The following ARPC5L variants were observed in gnomAD, a reference collection of about 807,000 sequenced individuals.
ARPC5L encodes actin-related protein 2/3 complex subunit 5-like protein.
In ARPC5L, 4 loss-of-function variants were observed where a neutral mutation model predicts 16.9. That is an observed-to-expected ratio of 0.24 (90% CI 0.12 to 0.54). The LOEUF (loss-of-function observed/expected upper bound fraction) is 0.54, where lower values mean the gene tolerates loss of function less well. Ranked by LOEUF, ARPC5L falls within the 20% of genes least tolerant of loss-of-function variation. The pLI, the probability that ARPC5L is intolerant of heterozygous loss-of-function variation, is 0.95. For missense variants in ARPC5L, 151 were observed against 201.9 expected (o/e 0.75, Z 1.53); for synonymous variants, 78 against 82.6 (o/e 0.94, Z 0.30).
rs1683134463 is a variant in ARPC5L at position 124,869,084 on chromosome 9, G to GGCTCC, written c.-204_-200dup. The GGCTCC allele has an allele frequency of 4.3e-6, 2 of 469,380 alleles. No individual in the cohort carries two copies. The highest frequency in any genetic ancestry group is 2.1e-5 in the African/African-American group (1 of 48,780). 29.1% of individuals were successfully genotyped at this position (469,380 alleles called of 1,614,324 possible). A position where few individuals can be genotyped will look rare whatever the true frequency, so the allele number is the denominator to read the frequency against. On this transcript the variant is annotated 5_prime_UTR_variant, in exon 3 of 6. Coordinates refer to ENST00000353214, the MANE Select transcript of ARPC5L (RefSeq NM_030978.3). ...ATCCCATACCGCACTCCAGGTGCCA[G>GGCTCC]GCTCCGCCCCGCCCCTGACGGCGCT...
chr9:124,876,122 G>A (rs1300420079), intron 5 of ARPC5L, among the ~76,000 whole-genome samples: 2 of 152,230 alleles, frequency 1.3e-5, no homozygotes, highest in Non-Finnish European at 1.5e-5. Flanking sequence ...GGAGGCTGAG[G>A]CAGGAGGATT....
At chr9:124,864,188 T>A (rs1485804780) in intron 2 of ARPC5L, 81 bp downstream of exon 2, 3 of 146,104 alleles carry the variant, frequency 2.1e-5, no homozygotes, top group Non-Finnish European at 4.5e-5. Context: ...GGCTTAGACT[T>A]TTTTTTTTTT....
chr9:124,867,337 C>T (rs957223381), intron 2 of ARPC5L, among the ~76,000 whole-genome samples: 1 of 151,986 alleles, frequency 6.6e-6, no homozygotes, highest in Non-Finnish European at 1.5e-5. Flanking sequence ...GATGGGTTTT[C>T]ACCATGTTGG....
At chr9:124,867,479 G>A (rs1298712678) in intron 2 of ARPC5L, among the ~76,000 whole-genome samples, 4 of 152,032 alleles carry the variant, frequency 2.6e-5, no homozygotes, top group African/African-American at 9.7e-5. Flanking sequence ...GGCACACTCA[G>A]GCACTGCATG....
At chr9:124,873,158 T>C (rs1319274353) in intron 3 of ARPC5L, 2 of 152,924 alleles carry the variant, frequency 1.3e-5, no homozygotes, top group Admixed American at 1.3e-4. Context: ...TTCTGTTAGA[T>C]TGATAAACTC....
At chr9:124,874,778 G>A (rs1321774507) in intron 4 of ARPC5L, among the ~76,000 whole-genome samples, 197 bp from the exon 5 acceptor site, 1 of 152,000 alleles carries the variant, frequency 6.6e-6, no homozygotes, top group Non-Finnish European at 1.5e-5. Context: ...AATAAGTAGG[G>A]TAACTTGTTG....
chr9:124,871,743 G>C (rs996296002), intron 3 of ARPC5L, among the ~76,000 whole-genome samples: 1 of 152,100 alleles, frequency 6.6e-6, no homozygotes, highest in Non-Finnish European at 1.5e-5. Flanking sequence ...AGCAGTGGTT[G>C]TGAGCGATTT....
At chr9:124,867,305 C>T (rs960151725) in intron 2 of ARPC5L, among the ~76,000 whole-genome samples, 2 of 152,058 alleles carry the variant, frequency 1.3e-5, no homozygotes, top group African/African-American at 4.8e-5. Context: ...TCATGCCTAG[C>T]TAATTGTTGT....
chr9:124,862,886 T>C (rs1304391665), intron 1 of ARPC5L, among the ~76,000 whole-genome samples: 2 of 151,358 alleles, frequency 1.3e-5, no homozygotes, highest in Non-Finnish European at 2.9e-5. Context: ...TCTCGCTCTG[T>C]CACCCTGGCT....
rs112123621 is a variant in ARPC5L, at chr9:124,871,988, G to A, written c.150-1704G>A. On this transcript the variant is annotated intron_variant, in intron 3 of 5. Coordinates refer to ENST00000353214, the MANE Select transcript of ARPC5L (RefSeq NM_030978.3). Reference sequence around the variant, plus strand: ...TGTTCTCTGAAAAGGCCTAAAGCCAGCCAAGTATGACAGCCGGCTTCACAA... The same window carrying A: ...TGTTCTCTGAAAAGGCCTAAAGCCAACCAAGTATGACAGCCGGCTTCACAA... 3.6e-4 allele frequency among the ~76,000 whole-genome samples: 55 copies of A among 152,264 alleles called. 1 individual carries two copies. The highest frequency in any genetic ancestry group is 1.3e-3 in the African/African-American group (52 of 41,550).
At chr9:124,874,915 G>C in intron 4 of ARPC5L, 60 bp from the exon 5 acceptor site, 1 of 1,599,254 alleles carries the variant, frequency 6.3e-7, no homozygotes, top group Non-Finnish European at 8.6e-7. Context: ...CTTTGGTGTG[G>C]GGCATGGCAT....
intron 2 of ARPC5L, among the ~76,000 whole-genome samples, chr9:124,865,916 C>T (rs1444031952): frequency 1.3e-5 from 2 of 151,418 alleles, no homozygotes; most frequent in South Asian, 4.2e-4. Flanking sequence ...ACCAGCCTGA[C>T]CAACATGGTG....
At chr9:124,865,384 C>CTTAGAGT (rs1309808035) in intron 2 of ARPC5L, among the ~76,000 whole-genome samples, 3 of 149,736 alleles carry the variant, frequency 2.0e-5, no homozygotes, top group Non-Finnish European at 4.4e-5. Context: ...TTTTTAAATG[C>CTTAGAGT]TTAGAGTTAA....
rs373174614 is a variant in ARPC5L, at chr9:124,873,780, T to C, written c.222+16T>C. 1.5e-5 allele frequency: 24 copies of C among 1,613,732 alleles called. No individual in the cohort carries two copies. The highest frequency in any genetic ancestry group is 2.0e-5 in the Non-Finnish European group (24 of 1,179,960). On this transcript the variant is annotated intron_variant, in intron 4 of 5. Transcript: ENST00000353214. The stretch of plus-strand genomic sequence containing the variant: ...AGCTGTGAAGGTAAAGGGGTGGCGC[T>C]GCGGCTCTGCTGGGTGCTGTTGGGA...
At chr9:124,871,147 G>A (rs958305197) in intron 3 of ARPC5L, among the ~76,000 whole-genome samples, 5 of 152,156 alleles carry the variant, frequency 3.3e-5, no homozygotes, top group Admixed American at 3.3e-4. Context: ...GCAGGGAGAG[G>A]GATAGATGGA....
chr9:124,871,910 G>C (rs1829366044), intron 3 of ARPC5L, among the ~76,000 whole-genome samples: 1 of 152,170 alleles, frequency 6.6e-6, no homozygotes, highest in South Asian at 2.1e-4. Context: ...CCGTGATTGA[G>C]GAAGATCTAG....
chr9:124,871,268 A>G (rs1829355604), intron 3 of ARPC5L, among the ~76,000 whole-genome samples: 1 of 152,192 alleles, frequency 6.6e-6, no homozygotes, highest in Admixed American at 6.5e-5. Context: ...GCATCTGCGC[A>G]CACCCTGCAC....
At chr9:124,865,966 G>A (rs1019257236) in intron 2 of ARPC5L, among the ~76,000 whole-genome samples, 11 of 151,848 alleles carry the variant, frequency 7.2e-5, no homozygotes, top group Admixed American at 2.0e-4. Context: ...TTAGCCAGGC[G>A]TGGTGGTGTG....
In ARPC5L at chr9:124,862,880, G is replaced by C. The variant is rs117083267; in HGVS notation, c.-984+482G>C. Among the ~76,000 whole-genome samples, 1,309 of 148,518 alleles carry C rather than the reference G, an allele frequency of 8.8e-3. 50 individuals carry two copies. The highest frequency in any genetic ancestry group is 0.068 in the Admixed American group (1,006 of 14,902). On this transcript the variant is annotated intron_variant, in intron 1 of 5. Transcript: ENST00000353214. The stretch of plus-strand genomic sequence containing the variant: ...AATTTTTTTTTTCAGACAGGGTCTC[G>C]CTCTGTCACCCTGGCTGGAAGGCAT...
Sources: allele counts gnomAD v4.1 joint callset (sites outside exome capture counted in the v4.1 genomes callset), GRCh38; gene constraint gnomAD v4.1.1; transcripts MANE v1.5; gene names NCBI Gene and HGNC (gene_info 2026-07-23, HGNC 2026-07-21).